Variants in TNNI3K observed in about 807,000 individuals in gnomAD.
The protein encoded by TNNI3K is serine/threonine-protein kinase TNNI3K.
TNNI3K carries 140 observed loss-of-function variants against 114.5 expected under a neutral mutation model. The ratio of observed to expected loss-of-function variants is 1.22; its 90% CI spans 1.07 to 1.41. The LOEUF is 1.41. Ranked by LOEUF, TNNI3K falls within the 40% of genes most tolerant of loss-of-function variation. The pLI is 0.00. For synonymous variants in TNNI3K, 347 were observed against 347.5 expected (o/e 1.00, Z 0.02); for missense variants, 1,125 against 1,007.6 (o/e 1.12, Z -1.58).
intron 19 of TNNI3K, chr1:74,438,925 C>T (rs1666254593): frequency 6.6e-6 from 1 of 152,054 alleles, no homozygotes; most frequent in Non-Finnish European, 1.5e-5. Flanking sequence ...GATAAATCTA[C>T]TTCATAGGAA....
chr1:74,470,550 A>T (rs747533719), intron 21 of TNNI3K: 11 of 400,554 alleles, frequency 2.7e-5, no homozygotes, highest in Non-Finnish European at 4.4e-5. Flanking sequence ...ATGGAATTGA[A>T]TTTGTCTTCA....
At chr1:74,408,238 G>T (rs1664711850) in intron 17 of TNNI3K, among the ~76,000 whole-genome samples, 1 of 152,182 alleles carries the variant, frequency 6.6e-6, no homozygotes, top group African/African-American at 2.4e-5. Context: ...CAATTTTCAA[G>T]TAGGGATAGG....
intron 6 of TNNI3K, among the ~76,000 whole-genome samples, chr1:74,331,864 A>C (rs537766033): frequency 6.6e-6 from 1 of 152,240 alleles, no homozygotes; most frequent in South Asian, 2.1e-4. Flanking sequence ...AATCCCTCTG[A>C]TCTTCATTTA....
intron 17 of TNNI3K, among the ~76,000 whole-genome samples, chr1:74,424,876 G>C (rs1170248953): frequency 1.3e-5 from 2 of 152,080 alleles, no homozygotes; most frequent in African/African-American, 4.8e-5. Flanking sequence ...ATGATACAAA[G>C]TGGCTTAAGA....
chr1:74,494,454 C>T (rs1421898367), intron 23 of TNNI3K, among the ~76,000 whole-genome samples: 1 of 152,058 alleles, frequency 6.6e-6, no homozygotes, highest in Non-Finnish European at 1.5e-5. Flanking sequence ...ACAAACTGGA[C>T]ACCATTTTTT....
intron 5 of TNNI3K, among the ~76,000 whole-genome samples, chr1:74,281,745 T>C (rs1161356734): frequency 1.2e-4 from 18 of 152,140 alleles, no homozygotes; most frequent in Admixed American, 6.5e-5. Context: ...ATAAAACATA[T>C]TAAAAATCAA....
At chr1:74,511,107 G>C (rs1236381531) in intron 23 of TNNI3K, among the ~76,000 whole-genome samples, 1 of 151,990 alleles carries the variant, frequency 6.6e-6, no homozygotes, top group Non-Finnish European at 1.5e-5. Flanking sequence ...AGGCTGGTCT[G>C]GAACTCCTGG....
chr1:74,456,287 A>C (rs1259844192), intron 20 of TNNI3K, among the ~76,000 whole-genome samples: 2 of 152,174 alleles, frequency 1.3e-5, no homozygotes, highest in Non-Finnish European at 2.9e-5. Context: ...AACCATCATG[A>C]TAATGATGGA....
At chr1:74,471,051 G>T (rs1365445061) in intron 21 of TNNI3K, 1 of 400,602 alleles carries the variant, frequency 2.5e-6, no homozygotes, top group Admixed American at 4.4e-5. Flanking sequence ...GCTCAGTTGA[G>T]AATTGAGAAT....
chr1:74,288,369 T>G (rs1278100336), intron 5 of TNNI3K, among the ~76,000 whole-genome samples: 1 of 152,138 alleles, frequency 6.6e-6, no homozygotes, highest in Non-Finnish European at 1.5e-5. Context: ...TGTCCATCTA[T>G]TTATGAATGG....
chr1:74,416,061 C>A (rs1348140064), intron 17 of TNNI3K, among the ~76,000 whole-genome samples: 1 of 152,118 alleles, frequency 6.6e-6, no homozygotes, highest in African/African-American at 2.4e-5. Context: ...CTCAAAATTT[C>A]AGTTCTGAGA....
intron 4 of TNNI3K, among the ~76,000 whole-genome samples, chr1:74,255,340 C>T (rs1271673882): frequency 1.6e-5 from 2 of 123,718 alleles, no homozygotes; most frequent in Non-Finnish European, 3.3e-5. Context: ...GGCGACAGAG[C>T]GAGACTCCGT....
At chr1:74,447,370 G>GTGATTTTTGTACAT (rs1666750482) in intron 20 of TNNI3K, among the ~76,000 whole-genome samples, 1 of 149,860 alleles carries the variant, frequency 6.7e-6, no homozygotes, top group African/African-American at 2.5e-5. Context: ...AAGAATGCTT[G>GTGATTTTTGTACAT]TGATTTTTCC....
chr1:74,500,235 C>T (rs574250510), intron 23 of TNNI3K, among the ~76,000 whole-genome samples: 1 of 152,044 alleles, frequency 6.6e-6, no homozygotes, highest in Admixed American at 6.5e-5. Context: ...TTTTATACAA[C>T]TATGTTTTAT....
At chr1:74,290,804 A>G (rs902306747) in intron 5 of TNNI3K, among the ~76,000 whole-genome samples, 1 of 151,610 alleles carries the variant, frequency 6.6e-6, no homozygotes, top group African/African-American at 2.4e-5. Flanking sequence ...ACCTCTCCCC[A>G]CTTATTTCTG....
At chr1:74,271,758 G>A (rs1368966988) in intron 5 of TNNI3K, 50 bp downstream of exon 5, 5 of 1,470,042 alleles carry the variant, frequency 3.4e-6, no homozygotes, top group Non-Finnish European at 4.7e-6. Context: ...TTACCTTTTC[G>A]GTTGTTGTTC....
chr1:74,526,237 G>A (rs1174542534), intron 23 of TNNI3K, among the ~76,000 whole-genome samples: 1 of 152,052 alleles, frequency 6.6e-6, no homozygotes, highest in South Asian at 2.1e-4. Flanking sequence ...ACACAAAGGA[G>A]CCCAGAGATC....
intron 23 of TNNI3K, among the ~76,000 whole-genome samples, chr1:74,535,382 ATTGT>A (rs569557881): frequency 1.1e-3 from 162 of 152,246 alleles, no homozygotes; most frequent in African/African-American, 3.6e-3. Context: ...ACACACAAGA[ATTGT>A]TTGAGTGTGG....
chr1:74,476,435 A>T lies in TNNI3K; in HGVS notation c.2122-12754A>T, dbSNP rs554991146. The stretch of plus-strand genomic sequence containing the variant: ...CCTTATGAGGTGTATTATTCTGTTT[A>T]TTCATTCATATGCTTGTTCGCAGAC... On this transcript the variant is annotated intron_variant, in intron 21 of 24. Transcript: ENST00000326637. 7.2e-5 allele frequency among the ~76,000 whole-genome samples: 11 copies of T among 152,218 alleles called. No homozygotes were observed. The South Asian group carries it at 2.3e-3, about 32-fold the overall frequency.
Sources: gnomAD v4.1 joint callset for allele counts (sites outside exome capture counted in the v4.1 genomes callset) on GRCh38, gnomAD v4.1.1 for gene constraint, MANE v1.5 for transcripts, NCBI Gene and HGNC (gene_info 2026-07-23, HGNC 2026-07-21) for gene names.